Variants in LRRC71 observed in about 807,000 individuals in gnomAD.
LRRC71 encodes leucine-rich repeat-containing protein 71.
A neutral mutation model predicts 66.6 loss-of-function variants in LRRC71; 54 were observed. The observed-to-expected ratio is 0.81, with a 90% CI of 0.65 to 1.02. LRRC71 has a LOEUF of 1.02. LRRC71 is among the 50% of genes least tolerant of loss of function. The pLI, the probability that LRRC71 is intolerant of heterozygous loss-of-function variation, is 0.00. For missense variants in LRRC71, 724 were observed against 718.0 expected (o/e 1.01, Z -0.10); for synonymous variants, 323 against 303.9 (o/e 1.06, Z -0.65).
the LRRC71 span, chr1:156,939,737 C>T: frequency 6.2e-7 from 1 of 1,614,082 alleles, no homozygotes; most frequent in Non-Finnish European, 8.5e-7. Context: ...TGGGTGTTGT[C>T]CCCTTCACCC....
rs752421834 is a variant in LRRC71, at chr1:156,927,947, A to C, written c.939A>C (p.Glu313Asp). 5 of 1,611,814 alleles carry C rather than the reference A, an allele frequency of 3.1e-6. No individual in the cohort carries two copies. The Admixed American group carries it at 8.4e-5, about 27-fold the overall frequency. ...VLRAFELTHT[E>D]VVERRRLLLE... The stretch of plus-strand genomic sequence containing the variant: ...GCGCCTTCGAGCTGACACACACCGA[A>C]GTGGTGGAGCGCCGACGCCTCCTGC... The change falls in exon 9 of 15, where the codon GAA becomes GAC. Residue 313 changes from glutamate to aspartate, a missense_variant. Coordinates refer to ENST00000337428, the MANE Select transcript of LRRC71 (RefSeq NM_144702.3).
In LRRC71 at chr1:156,925,016, G is replaced by C; in HGVS notation, c.593+1G>C. 6.4e-7 allele frequency: 1 copy of C among 1,551,650 alleles called. No homozygotes were observed. Among genetic ancestry groups the C allele is most frequent in the Non-Finnish European group, 8.7e-7 (1 of 1,146,986 alleles). ...TGCCTCTCTGTTCATCCACGCTCAG[G>C]TCAGCAGACTGGGAGGCCCCCTGTG... is the stretch of plus-strand genomic sequence containing the variant. On this transcript the variant is annotated splice_donor_variant, in intron 5 of 14. Coordinates refer to ENST00000337428, the MANE Select transcript of LRRC71 (RefSeq NM_144702.3). LOFTEE classifies it high-confidence loss of function.
intron 5 of LRRC71, among the ~76,000 whole-genome samples, chr1:156,926,591 T>TG (rs1653244154): frequency 7.0e-6 from 1 of 142,596 alleles, no homozygotes; most frequent in Non-Finnish European, 1.5e-5. Context: ...CTTTTTTTTT[T>TG]GGAGACAGAG....
At chr1:156,940,500 G>A in the LRRC71 span, 2 of 1,357,144 alleles carry the variant, frequency 1.5e-6, no homozygotes, top group Non-Finnish European at 2.0e-6. Context: ...GGGCAGCTTT[G>A]GAGCCAAGGG....
rs1467340483 is a variant in LRRC71 at position 156,929,446 on chromosome 1, A to G, written c.1146+17A>G. The G allele has an allele frequency of 1.2e-6, 2 of 1,613,658 alleles. No homozygotes were observed. Among genetic ancestry groups the G allele is most frequent in the Non-Finnish European group, 1.7e-6 (2 of 1,179,820 alleles). ...AAATCATGGGTAGGTGTGCAATGGG[A>G]CAGATCCTGGGTGCTGGACGGACAG... is the stretch of plus-strand genomic sequence containing the variant. On this transcript the variant is annotated intron_variant, in intron 10 of 14. Transcript: ENST00000337428.
downstream of LRRC71, chr1:156,936,373 T>A (rs937914918): frequency 7.0e-5 from 30 of 426,634 alleles, no homozygotes; most frequent in East Asian, 6.1e-5. Flanking sequence ...GGTGTGCACC[T>A]GCAATCCCAG....
At chr1:156,929,188 G>T in intron 9 of LRRC71, 92 bp from the exon 10 acceptor site, 1 of 1,459,236 alleles carries the variant, frequency 6.9e-7, no homozygotes. Flanking sequence ...CAGCTCGACT[G>T]CTCCCCAAGT....
chr1:156,925,118 G>A, intron 5 of LRRC71, 103 bp downstream of exon 5: 1 of 1,046,294 alleles, frequency 9.6e-7, no homozygotes, highest in Non-Finnish European at 1.4e-6. Context: ...GCTCCTGTGG[G>A]CCTGCCTGGC....
At chr1:156,934,294 A>G (rs1654712194), downstream of LRRC71, among the ~76,000 whole-genome samples, 1 of 152,138 alleles carries the variant, frequency 6.6e-6, no homozygotes, top group Admixed American at 6.5e-5. Context: ...AAGAGACAGA[A>G]TTTGTCACTT....
At chr1:156,931,782 G>GT in intron 12 of LRRC71, 134 bp from the exon 13 acceptor site, 1 of 686,614 alleles carries the variant, frequency 1.5e-6, no homozygotes, top group Non-Finnish European at 2.4e-6. Context: ...ATTTATTTTT[G>GT]TATCCCCAGC....
At chr1:156,939,735 G>C in the LRRC71 span, 1 of 1,614,122 alleles carries the variant, frequency 6.2e-7, no homozygotes, top group East Asian at 2.2e-5. Context: ...GCTGGGTGTT[G>C]TCCCCTTCAC....
chr1:156,927,688 G>GT (rs1653427276), intron 7 of LRRC71, 33 bp downstream of exon 7: 1 of 1,606,474 alleles, frequency 6.2e-7, no homozygotes, highest in African/African-American at 1.3e-5. Context: ...CCTGCTGGGA[G>GT]CAGGGGCGGC....
rs561031056 is a variant in LRRC71 at position 156,927,153 on chromosome 1, A to C, written c.594-49A>C. ...CACTTCCTCTCTGTTCCCTTCCCTT[A>C]CCTGGCCTCAGTGGTACCTTCTGGT... On this transcript the variant is annotated intron_variant, in intron 5 of 14. Transcript: ENST00000337428. The C allele has an allele frequency of 3.2e-4, 500 of 1,542,484 alleles. 1 individual carries two copies. Among genetic ancestry groups the C allele is most frequent in the Non-Finnish European group, 4.3e-4 (480 of 1,128,516 alleles).
At chr1:156,938,655 T>A in the LRRC71 span, 1 of 663,038 alleles carries the variant, frequency 1.5e-6, no homozygotes, top group Non-Finnish European at 2.6e-6. Context: ...CACAAGATCA[T>A]ACACGATGAC....
downstream of LRRC71, chr1:156,935,854 TCC>T (rs761550684): frequency 4.5e-6 from 4 of 886,868 alleles, no homozygotes; most frequent in Non-Finnish European, 5.1e-6. Context: ...CATGCGGGTC[TCC>T]CCCCGGGCCT....
chr1:156,923,990 G>A lies in LRRC71; in HGVS notation c.202G>A (p.Glu68Lys), dbSNP rs1455441068. 1.3e-5 allele frequency: 20 copies of A among 1,543,736 alleles called. 1 individual carries two copies. The South Asian group carries it at 2.3e-4, about 18-fold the overall frequency. The part of the protein sequence containing the change: ...CSGVLETDFA[E>K]LCTRWGYTDF... Reference sequence around the variant, plus strand: ...CGGGGTCCTCGAGACCGACTTCGCCGAGCTCTGCACGCGGTGGGGCTACAC... The same window carrying A: ...CGGGGTCCTCGAGACCGACTTCGCCAAGCTCTGCACGCGGTGGGGCTACAC... The change falls in exon 2 of 15, where the codon GAG becomes AAG. Residue 68 changes from glutamate (E) to lysine (K), a missense_variant. Glu to Lys is a moderately conservative substitution (Grantham distance 56, BLOSUM62 1). Coordinates refer to ENST00000337428, the MANE Select transcript of LRRC71 (RefSeq NM_144702.3).
In LRRC71 at chr1:156,929,423, A is replaced by G. The variant is rs748053083; in HGVS notation, c.1140A>G (p.Lys380=). The change falls in exon 10 of 15, where the codon AAA becomes AAG. Residue 380 remains lysine (K), a synonymous_variant. Transcript: ENST00000337428. ...AGGGCCTGGGCAAGAAAAAGGAGAA[A>G]TCATGGGTAGGTGTGCAATGGGACA... The part of the protein sequence containing the change: ...TPKGLGKKKE[K]SWELAKKEEK... 3.7e-6 allele frequency: 6 copies of G among 1,613,750 alleles called. No individual in the cohort carries two copies. In the African/African-American group the frequency reaches 8.0e-5, roughly 22 times the overall value.
At position 156,930,518 on chromosome 1, in the gene LRRC71, T is replaced by C; in HGVS notation, c.1241-11T>C. 6.4e-7 allele frequency: 1 copy of C among 1,555,570 alleles called. No individual in the cohort carries two copies. The highest frequency in any genetic ancestry group is 1.2e-5 in the South Asian group (1 of 84,210). On this transcript the variant is annotated splice_polypyrimidine_tract_variant and intron_variant, in intron 11 of 14. Coordinates refer to ENST00000337428, the MANE Select transcript of LRRC71 (RefSeq NM_144702.3). ...GTGCACTGTGCATTCTGGCTCCTCTTCTGGCCCCAGAGGTAACCATCCCTG... is the reference window on the plus strand; with the variant it reads ...GTGCACTGTGCATTCTGGCTCCTCTCCTGGCCCCAGAGGTAACCATCCCTG...
chr1:156,933,329 A>T (rs1654655244), downstream of LRRC71, among the ~76,000 whole-genome samples: 1 of 152,170 alleles, frequency 6.6e-6, no homozygotes, highest in Non-Finnish European at 1.5e-5. Flanking sequence ...GACATGCATT[A>T]TGCCAGGGTT....
Sources: allele counts gnomAD v4.1 joint callset (sites outside exome capture counted in the v4.1 genomes callset), GRCh38; gene constraint gnomAD v4.1.1; transcripts MANE v1.5; gene names NCBI Gene and HGNC (gene_info 2026-07-23, HGNC 2026-07-21).